The following UMAD1 variants were observed in gnomAD, a reference collection of about 807,000 sequenced individuals.
UMAD1 encodes UBAP1-MVB12-associated (UMA)-domain containing protein 1.
UMAD1 carries 8 observed loss-of-function variants against 6.1 expected under a neutral mutation model. The observed-to-expected ratio is 1.30, with a 90% confidence interval of 0.76 to 2.35. The LOEUF (loss-of-function observed/expected upper bound fraction) is 2.35. Ranked by LOEUF, UMAD1 falls within the 30% of genes most tolerant of loss-of-function variation. The pLI is 0.00. For missense variants in UMAD1, 130 were observed against 78.4 expected (o/e 1.66, Z -2.49); for synonymous variants, 56 against 31.4 (o/e 1.78, Z -2.61).
At chr7:7,815,927 G>A (rs374794591) in intron 3 of UMAD1, among the ~76,000 whole-genome samples, 2 of 152,138 alleles carry the variant, frequency 1.3e-5, no homozygotes, top group Admixed American at 6.6e-5. Flanking sequence ...CAGTGGAGGT[G>A]GGGGAGGACA....
chr7:7,800,043 C>G (rs998506984), intron 2 of UMAD1, among the ~76,000 whole-genome samples: 1 of 152,160 alleles, frequency 6.6e-6, no homozygotes, highest in African/African-American at 2.4e-5. Context: ...GCCACCATGT[C>G]CAGCTAATTT....
intron 2 of UMAD1, among the ~76,000 whole-genome samples, chr7:7,691,807 C>T (rs1780178542): frequency 6.6e-6 from 1 of 152,130 alleles, no homozygotes; most frequent in Admixed American, 6.6e-5. Context: ...GGAGTTCTTT[C>T]TCAGGAGGGA....
intron 1 of UMAD1, among the ~76,000 whole-genome samples, chr7:7,666,920 C>T (rs570688288): frequency 6.6e-6 from 1 of 152,176 alleles, no homozygotes; most frequent in African/African-American, 2.4e-5. Context: ...ATTCTCCTGC[C>T]TCTCAGCCTC....
At chr7:7,692,037 TAGTAC>T (rs1216232871) in intron 2 of UMAD1, among the ~76,000 whole-genome samples, 2 of 152,184 alleles carry the variant, frequency 1.3e-5, no homozygotes, top group Admixed American at 6.5e-5. Flanking sequence ...CTTCTACACA[TAGTAC>T]AGTATGTTGA....
chr7:7,698,216 GA>G (rs1780363597), intron 2 of UMAD1, among the ~76,000 whole-genome samples: 1 of 152,158 alleles, frequency 6.6e-6, no homozygotes. Flanking sequence ...AGTGTTTTTG[GA>G]TGAAATTTAG....
chr7:7,755,988 C>G (rs763768561), intron 2 of UMAD1, among the ~76,000 whole-genome samples: 2 of 152,156 alleles, frequency 1.3e-5, no homozygotes, highest in Non-Finnish European at 2.9e-5. Context: ...AATGAGTAAA[C>G]AAGTAAACCA....
chr7:7,694,156 G>A lies in UMAD1; in HGVS notation c.82+20703G>A, dbSNP rs1027231804. 2.6e-5 allele frequency among the ~76,000 whole-genome samples: 4 copies of A among 152,230 alleles called. No individual in the cohort carries two copies. In the South Asian group the frequency reaches 6.2e-4, roughly 24 times the overall value. On this transcript the variant is annotated intron_variant, in intron 2 of 3. Transcript: ENST00000682710. ...GTCATATTTGAGCATTCCAAAGAAGGAATGAAGCATGTTTTCTTTTTCTCC... is the reference window on the plus strand; with the variant it reads ...GTCATATTTGAGCATTCCAAAGAAGAAATGAAGCATGTTTTCTTTTTCTCC...
chr7:7,696,705 C>T (rs1395843828), intron 2 of UMAD1, among the ~76,000 whole-genome samples: 2 of 152,258 alleles, frequency 1.3e-5, no homozygotes, highest in East Asian at 1.9e-4. Context: ...ATTTTTCTGC[C>T]TCTAGAACTG....
intron 1 of UMAD1, among the ~76,000 whole-genome samples, chr7:7,658,265 A>G (rs569021254): frequency 1.3e-5 from 2 of 152,356 alleles, no homozygotes; most frequent in African/African-American, 4.8e-5. Context: ...AACAGAGACA[A>G]TTTGGCTTCC....
chr7:7,730,745 T>C (rs1781232104), intron 2 of UMAD1, among the ~76,000 whole-genome samples: 1 of 152,118 alleles, frequency 6.6e-6, no homozygotes, highest in Non-Finnish European at 1.5e-5. Flanking sequence ...CCTCAAAATC[T>C]GCCAAACCTA....
intron 3 of UMAD1, among the ~76,000 whole-genome samples, chr7:7,812,406 T>C (rs553397336): frequency 7.2e-4 from 109 of 152,358 alleles, no homozygotes; most frequent in African/African-American, 2.5e-3. Context: ...ACCACAATGA[T>C]ATTTATTTAA....
chr7:7,663,112 A>G (rs532189938), intron 1 of UMAD1, among the ~76,000 whole-genome samples: 183 of 151,994 alleles, frequency 1.2e-3, no homozygotes, highest in Middle Eastern at 0.01. Flanking sequence ...GTTACCATGT[A>G]TAATGCTCTC....
intron 2 of UMAD1, among the ~76,000 whole-genome samples, chr7:7,787,016 T>C (rs1446064185): frequency 1.3e-5 from 2 of 152,218 alleles, no homozygotes; most frequent in African/African-American, 4.8e-5. Flanking sequence ...TATTAGAGAT[T>C]AGAATTTTTA....
chr7:7,696,336 A>C (rs1340370292), intron 2 of UMAD1, among the ~76,000 whole-genome samples: 1 of 151,760 alleles, frequency 6.6e-6, no homozygotes, highest in African/African-American at 2.4e-5. Flanking sequence ...ATGTGGTCTG[A>C]TGGTGAAGTA....
chr7:7,684,611 A>G (rs970750423), intron 2 of UMAD1, among the ~76,000 whole-genome samples: 2 of 152,178 alleles, frequency 1.3e-5, no homozygotes, highest in African/African-American at 4.8e-5. Context: ...TTGAAACCTT[A>G]GATGTTTTTT....
intron 2 of UMAD1, among the ~76,000 whole-genome samples, chr7:7,702,781 G>C (rs984666528): frequency 1.3e-5 from 2 of 149,408 alleles, no homozygotes; most frequent in Admixed American, 1.3e-4. Flanking sequence ...CAGTGGCCTG[G>C]GTTTTTGTTG....
rs562643070 is a variant in UMAD1 at position 7,850,554 on chromosome 7, A to G, written c.157-26727A>G. ...ACTGATATAAGTTAATTTAAAATAT[A>G]TGTATATTTACCATGACCATAAGGC... On this transcript the variant is annotated intron_variant, in intron 3 of 3. Coordinates refer to ENST00000682710, the MANE Select transcript of UMAD1 (RefSeq NM_001302348.2). Among the ~76,000 whole-genome samples, 18 of 152,186 alleles carry G rather than the reference A, an allele frequency of 1.2e-4. No individual in the cohort carries two copies. In the South Asian group the frequency reaches 3.5e-3, roughly 30 times the overall value.
intron 3 of UMAD1, among the ~76,000 whole-genome samples, chr7:7,821,276 C>T (rs1783237541): frequency 6.6e-6 from 1 of 151,888 alleles, no homozygotes; most frequent in African/African-American, 2.4e-5. Context: ...AGTCTGTATT[C>T]AGATGTAAAA....
intron 1 of UMAD1, among the ~76,000 whole-genome samples, chr7:7,648,901 G>A (rs544526455): frequency 6.6e-6 from 1 of 152,026 alleles, no homozygotes; most frequent in Admixed American, 6.5e-5. Context: ...GCTCACACTT[G>A]TAATCCCAGC....
Sources: allele counts gnomAD v4.1 joint callset (sites outside exome capture counted in the v4.1 genomes callset), GRCh38; gene constraint gnomAD v4.1.1; transcripts MANE v1.5; gene names NCBI Gene and HGNC (gene_info 2026-07-23, HGNC 2026-07-21).